PDZRN4: variants seen among roughly 807,000 people sequenced by gnomAD.
PDZRN4 encodes the protein PDZ domain-containing RING finger protein 4.
A neutral mutation model predicts 99.0 loss-of-function variants in PDZRN4; 70 were observed. That is an observed-to-expected ratio of 0.71 (90% CI 0.58 to 0.86). PDZRN4 has a LOEUF of 0.86. Ranked by LOEUF, PDZRN4 falls within the 40% of genes least tolerant of loss-of-function variation. The pLI, the probability that PDZRN4 is intolerant of heterozygous loss-of-function variation, is 0.00. For synonymous variants in PDZRN4, 551 were observed against 501.6 expected, an observed-to-expected ratio of 1.10 and a Z score of -1.32; for missense variants, 1,474 against 1,331.2, an observed-to-expected ratio of 1.11 and a Z score of -1.67.
chr12:41,537,759 G>A (rs143281810), intron 5 of PDZRN4, among the ~76,000 whole-genome samples: 271 of 152,274 alleles, frequency 1.8e-3, no homozygotes, highest in South Asian at 6.8e-3. Flanking sequence ...AGCAGCAACA[G>A]AGGGAGTAGA....
chr12:41,224,807 A>G (rs1321909120), intron 3 of PDZRN4, among the ~76,000 whole-genome samples: 2 of 152,152 alleles, frequency 1.3e-5, no homozygotes, highest in Non-Finnish European at 1.5e-5. Flanking sequence ...TAATATTCCA[A>G]TTGCACAGAT....
chr12:41,307,396 C>T (rs1021057895), intron 3 of PDZRN4, among the ~76,000 whole-genome samples: 7 of 152,088 alleles, frequency 4.6e-5, no homozygotes, highest in Non-Finnish European at 8.8e-5. Context: ...GGCAAAAGAG[C>T]TCTGTCTCTC....
intron 3 of PDZRN4, among the ~76,000 whole-genome samples, chr12:41,211,516 G>A (rs1414939127): frequency 6.6e-6 from 1 of 151,812 alleles, no homozygotes; most frequent in East Asian, 1.9e-4. Context: ...TCTCTGAGGT[G>A]CTCATGTATT....
chr12:41,336,622 A>G (rs191676454), intron 3 of PDZRN4, among the ~76,000 whole-genome samples: 71 of 152,248 alleles, frequency 4.7e-4, no homozygotes, highest in Non-Finnish European at 8.5e-4. Flanking sequence ...AGAAAGAGTA[A>G]TTCACGCAGA....
chr12:41,322,756 A>T (rs1013425697), intron 3 of PDZRN4, among the ~76,000 whole-genome samples: 1 of 152,012 alleles, frequency 6.6e-6, no homozygotes, highest in African/African-American at 2.4e-5. Context: ...TTGGCCTCCC[A>T]AAGTGCTGGG....
chr12:41,471,569 T>C (rs930982552), intron 3 of PDZRN4, among the ~76,000 whole-genome samples: 1 of 149,906 alleles, frequency 6.7e-6, no homozygotes, highest in African/African-American at 2.4e-5. Context: ...ATAGTAATTA[T>C]TTATTCTATA....
intron 5 of PDZRN4, among the ~76,000 whole-genome samples, chr12:41,513,595 A>C (rs528768744): frequency 6.6e-6 from 1 of 152,198 alleles, no homozygotes; most frequent in Admixed American, 6.6e-5. Context: ...AATTTCACTA[A>C]GGATTAAGCT....
intron 5 of PDZRN4, among the ~76,000 whole-genome samples, chr12:41,516,776 T>C (rs915804215): frequency 6.6e-6 from 1 of 151,946 alleles, no homozygotes; most frequent in Non-Finnish European, 1.5e-5. Context: ...GCAGCTTTTT[T>C]TTTTTTTACT....
At chr12:41,476,722 C>T (rs1953046037) in intron 3 of PDZRN4, among the ~76,000 whole-genome samples, 1 of 152,216 alleles carries the variant, frequency 6.6e-6, no homozygotes, top group African/African-American at 2.4e-5. Flanking sequence ...AGGAAATTGA[C>T]AAGCCTGAGC....
intron 3 of PDZRN4, among the ~76,000 whole-genome samples, chr12:41,288,579 C>T (rs932043814): frequency 1.3e-5 from 2 of 150,408 alleles, no homozygotes; most frequent in Admixed American, 1.3e-4. Flanking sequence ...TTCTGTAATA[C>T]TGTGAAACTG....
At chr12:41,453,563 C>T (rs1188518757) in intron 3 of PDZRN4, among the ~76,000 whole-genome samples, 6 of 152,170 alleles carry the variant, frequency 3.9e-5, no homozygotes, top group Non-Finnish European at 7.4e-5. Flanking sequence ...GTTTCACCTA[C>T]TAAATATTGC....
chr12:41,284,270 A>T (rs1951407688), intron 3 of PDZRN4, among the ~76,000 whole-genome samples: 1 of 152,200 alleles, frequency 6.6e-6, no homozygotes. Flanking sequence ...AATTGCTACA[A>T]AAAGAATAAA....
At chr12:41,205,121 T>C (rs908705972) in intron 3 of PDZRN4, among the ~76,000 whole-genome samples, 1 of 151,960 alleles carries the variant, frequency 6.6e-6, no homozygotes, top group African/African-American at 2.4e-5. Context: ...TTTTTTATTA[T>C]GTATTTATTA....
chr12:41,512,787 A>G (rs759097358), intron 5 of PDZRN4, among the ~76,000 whole-genome samples: 34 of 152,010 alleles, frequency 2.2e-4, no homozygotes, highest in Non-Finnish European at 1.3e-4. Flanking sequence ...ATAATCTAGG[A>G]CAGCATCCAC....
At chr12:41,496,262 C>G (rs1322419786) in intron 3 of PDZRN4, among the ~76,000 whole-genome samples, 2 of 152,026 alleles carry the variant, frequency 1.3e-5, no homozygotes, top group African/African-American at 4.8e-5. Flanking sequence ...AACGTGTATC[C>G]CCAGAGAGTA....
intron 3 of PDZRN4, among the ~76,000 whole-genome samples, chr12:41,430,498 T>C (rs955013499): frequency 6.6e-6 from 1 of 151,138 alleles, no homozygotes; most frequent in Non-Finnish European, 1.5e-5. Context: ...AGAAATAGAA[T>C]ATGAGAATTA....
intron 3 of PDZRN4, among the ~76,000 whole-genome samples, chr12:41,406,209 G>A (rs187793748): frequency 9.2e-4 from 140 of 151,926 alleles, no homozygotes; most frequent in Non-Finnish European, 1.6e-3. Context: ...TACTAGATAA[G>A]TCTAACAAGT....
intron 3 of PDZRN4, among the ~76,000 whole-genome samples, chr12:41,269,724 CTG>C (rs1334714973): frequency 2.6e-5 from 4 of 152,102 alleles, no homozygotes; most frequent in Non-Finnish European, 4.4e-5. Context: ...CTGTATCAGA[CTG>C]TGTTGTTTCT....
intron 3 of PDZRN4, among the ~76,000 whole-genome samples, chr12:41,457,562 C>T (rs1286067489): frequency 6.6e-6 from 1 of 152,066 alleles, no homozygotes; most frequent in South Asian, 2.1e-4. Context: ...TTAGCTATAG[C>T]AGAATAAAAT....
Sources: allele counts gnomAD v4.1 joint callset (sites outside exome capture counted in the v4.1 genomes callset), GRCh38; gene constraint gnomAD v4.1.1; transcripts MANE v1.5; gene names NCBI Gene and HGNC (gene_info 2026-07-23, HGNC 2026-07-21).